The following CLIP1 variants were observed in gnomAD, a reference collection of about 807,000 sequenced individuals.
The protein encoded by CLIP1 is CAP-Gly domain-containing linker protein 1.
In CLIP1, 66 loss-of-function variants were observed where a neutral mutation model predicts 161.6. The ratio of observed to expected loss-of-function variants is 0.41; its 90% CI spans 0.33 to 0.50. The LOEUF is 0.50. Ranked by LOEUF, CLIP1 falls within the 20% of genes least tolerant of loss-of-function variation. CLIP1 has a pLI of 0.27. For synonymous variants in CLIP1, 598 were observed against 626.2 expected (o/e 0.96, Z 0.67); for missense variants, 1,376 against 1,702.0 (o/e 0.81, Z 3.37).
rs562972867 is a variant in CLIP1 at position 122,378,998 on chromosome 12, G to A, written c.86-1038C>T. 1.2e-4 allele frequency among the ~76,000 whole-genome samples: 18 copies of A among 152,188 alleles called. No homozygotes were observed. In the East Asian group the frequency reaches 2.5e-3, roughly 21 times the overall value. On this transcript the variant is annotated intron_variant, in intron 2 of 25. Coordinates refer to ENST00000620786, the MANE Select transcript of CLIP1 (RefSeq NM_001247997.2). ...AAATTAGCCGGGCATGGTGGAGCGC[G>A]CCTGTAGTCCCAGCTACTCGGGAGG...
intron 20 of CLIP1, among the ~76,000 whole-genome samples, chr12:122,302,781 G>C (rs1950737682): frequency 1.3e-5 from 2 of 152,038 alleles, no homozygotes; most frequent in South Asian, 4.2e-4. Context: ...ATTTTTAGTA[G>C]AGACAGGGTT....
At chr12:122,370,076 T>C (rs1954362732) in intron 3 of CLIP1, among the ~76,000 whole-genome samples, 1 of 151,270 alleles carries the variant, frequency 6.6e-6, no homozygotes, top group Non-Finnish European at 1.5e-5. Flanking sequence ...GGCGCGACAA[T>C]TGCTTGAGCC....
chr12:122,365,999 A>G (rs1008089646), intron 3 of CLIP1, among the ~76,000 whole-genome samples: 1 of 151,204 alleles, frequency 6.6e-6, no homozygotes, highest in Non-Finnish European at 1.5e-5. Context: ...ACAGAGTGAG[A>G]CTCCACCTCA....
chr12:122,421,904 G>A (rs192989202), intron 1 of CLIP1, among the ~76,000 whole-genome samples: 562 of 152,326 alleles, frequency 3.7e-3, no homozygotes, highest in Non-Finnish European at 5.9e-3. Context: ...ACCGGGCAGC[G>A]GTGTGATTTC....
At chr12:122,325,928 C>T (rs1951696932) in intron 17 of CLIP1, among the ~76,000 whole-genome samples, 1 of 152,220 alleles carries the variant, frequency 6.6e-6, no homozygotes, top group African/African-American at 2.4e-5. Flanking sequence ...GCTAGGATTA[C>T]AGGCGTGAGC....
intron 11 of CLIP1, among the ~76,000 whole-genome samples, chr12:122,338,716 A>G (rs1952354423): frequency 6.6e-6 from 1 of 152,148 alleles, no homozygotes; most frequent in African/African-American, 2.4e-5. Context: ...GACTGTCTCA[A>G]AAAAACAGAA....
At chr12:122,361,270 T>TA (rs754999302) in intron 4 of CLIP1, 89 bp from the exon 5 acceptor site, 18 of 1,103,870 alleles carry the variant, frequency 1.6e-5, no homozygotes, top group Non-Finnish European at 2.1e-5. Flanking sequence ...ACTCCTAACT[T>TA]ACGGTTGGAT....
At chr12:122,372,153 G>A (rs538508187) in intron 3 of CLIP1, among the ~76,000 whole-genome samples, 3 of 152,146 alleles carry the variant, frequency 2.0e-5, no homozygotes, top group Non-Finnish European at 2.9e-5. Context: ...GGGTGTGGTG[G>A]CTCACACCTG....
intron 17 of CLIP1, among the ~76,000 whole-genome samples, chr12:122,325,817 T>A (rs917300824): frequency 6.6e-6 from 1 of 152,066 alleles, no homozygotes; most frequent in Non-Finnish European, 1.5e-5. Flanking sequence ...CCACACCCAA[T>A]TAATTTTTTG....
chr12:122,372,962 G>A (rs936355561), intron 3 of CLIP1, among the ~76,000 whole-genome samples: 3 of 152,158 alleles, frequency 2.0e-5, no homozygotes, highest in African/African-American at 7.2e-5. Context: ...CTAAGTCACC[G>A]ATAAGAGGAT....
chr12:122,296,232 G>A (rs1258920611), intron 20 of CLIP1, among the ~76,000 whole-genome samples: 1 of 152,200 alleles, frequency 6.6e-6, no homozygotes, highest in Non-Finnish European at 1.5e-5. Flanking sequence ...GAGGATAAGA[G>A]AACCTTTTGG....
intron 9 of CLIP1, among the ~76,000 whole-genome samples, chr12:122,349,176 C>T (rs1952898537): frequency 6.6e-6 from 1 of 152,178 alleles, no homozygotes; most frequent in Non-Finnish European, 1.5e-5. Flanking sequence ...ATTGGGGTCA[C>T]AGCCTCAGGA....
In CLIP1 at chr12:122,362,888, T is replaced by C. The variant is rs1307094138; in HGVS notation, c.782+1095A>G. ...ATGACTCTAAAGGATTACAGTGTTT[T>C]AATATGAAGAAAAGATGGCTTCATA... is the stretch of plus-strand genomic sequence containing the variant. On this transcript the variant is annotated intron_variant, in intron 4 of 25. Transcript: ENST00000620786. 2.6e-5 allele frequency among the ~76,000 whole-genome samples: 4 copies of C among 152,216 alleles called. No homozygotes were observed. In the East Asian group the frequency reaches 7.7e-4, roughly 29 times the overall value.
chr12:122,278,056 A>G, intron 24 of CLIP1, 98 bp downstream of exon 24: 1 of 1,065,874 alleles, frequency 9.4e-7, no homozygotes, highest in Non-Finnish European at 1.4e-6. Context: ...AAAAGACTAA[A>G]TGATACAAAA....
At chr12:122,302,316 G>A (rs905986953) in intron 20 of CLIP1, among the ~76,000 whole-genome samples, 1 of 152,080 alleles carries the variant, frequency 6.6e-6, no homozygotes, top group Non-Finnish European at 1.5e-5. Flanking sequence ...TGGTGAGGCT[G>A]GTCTTGAACT....
chr12:122,351,117 A>T lies in CLIP1; in HGVS notation c.1395T>A (p.Pro465=). The T allele has an allele frequency of 6.5e-7, 1 of 1,527,864 alleles. No homozygotes were observed. The highest frequency in any genetic ancestry group is 1.3e-5 in the South Asian group (1 of 78,960). 94.6% of individuals were successfully genotyped at this position (1,527,864 alleles called of 1,614,324 possible). ...CAGTTAAGTGCCCTCTTACATTCTC[A>T]GGATCTTCAGAAATCTGGCTCTTTT... ...LEQKSQISED[P]ENTQTKLEHA... Residue 465 remains proline, a synonymous_variant, in exon 9 of 26, where the codon CCT becomes CCA. Coordinates refer to ENST00000620786, the MANE Select transcript of CLIP1 (RefSeq NM_001247997.2).
chr12:122,328,529 TTA>T (rs1205454423), intron 15 of CLIP1, 103 bp from the exon 16 acceptor site: 2 of 659,354 alleles, frequency 3.0e-6, no homozygotes, highest in Non-Finnish European at 4.4e-6. Flanking sequence ...TTTTCAAAAG[TTA>T]TGTGTAATTA....
chr12:122,292,223 G>A (rs533167099), intron 20 of CLIP1, among the ~76,000 whole-genome samples: 71 of 150,758 alleles, frequency 4.7e-4, no homozygotes, highest in African/African-American at 1.6e-3. Flanking sequence ...GGCTGGTCTC[G>A]AACTCCTGGC....
intron 1 of CLIP1, among the ~76,000 whole-genome samples, chr12:122,420,501 C>T (rs149397120): frequency 8.5e-5 from 13 of 152,170 alleles, no homozygotes; most frequent in Admixed American, 7.2e-4. Flanking sequence ...AAAATACCTA[C>T]CCAGGGTCCC....
Sources: allele counts gnomAD v4.1 joint callset (sites outside exome capture counted in the v4.1 genomes callset), GRCh38; gene constraint gnomAD v4.1.1; transcripts MANE v1.5; gene names NCBI Gene and HGNC (gene_info 2026-07-23, HGNC 2026-07-21).